Variants in IL22RA2 observed in about 807,000 individuals in gnomAD.
IL22RA2 encodes the protein interleukin-22 receptor subunit alpha-2.
IL22RA2 carries 39 observed loss-of-function variants against 30.7 expected under a neutral mutation model. That is an observed-to-expected ratio of 1.27 (90% CI 0.98 to 1.66). The LOEUF is 1.66. Ranked by LOEUF, IL22RA2 falls within the 40% of genes most tolerant of loss-of-function variation. IL22RA2 has a pLI of 0.00. For missense variants in IL22RA2, 315 were observed against 312.7 expected, an observed-to-expected ratio of 1.01 and a Z score of -0.05; for synonymous variants, 103 against 105.0, an observed-to-expected ratio of 0.98 and a Z score of 0.11.
intron 4 of IL22RA2, among the ~76,000 whole-genome samples, chr6:137,155,559 T>A (rs1778388166): frequency 6.6e-6 from 1 of 151,628 alleles, no homozygotes; most frequent in African/African-American, 2.4e-5. Context: ...ACTTTTTTGA[T>A]AACTAGCCCA....
intron 1 of IL22RA2, among the ~76,000 whole-genome samples, chr6:137,172,396 G>A (rs1778757397): frequency 6.6e-6 from 1 of 152,290 alleles, no homozygotes; most frequent in Middle Eastern, 3.4e-3. Context: ...TTCTGTCACT[G>A]TTCAATTAGC....
intron 5 of IL22RA2, 138 bp downstream of exon 5, chr6:137,154,803 A>G (rs1562269918): frequency 4.4e-6 from 3 of 678,004 alleles, no homozygotes; most frequent in Non-Finnish European, 5.2e-6. Context: ...TATCTCCTAG[A>G]GTTGTTCTGA....
chr6:137,149,801 C>A (rs1778252760), intron 5 of IL22RA2, among the ~76,000 whole-genome samples: 1 of 152,216 alleles, frequency 6.6e-6, no homozygotes, highest in Non-Finnish European at 1.5e-5. Flanking sequence ...TGGACTCCTT[C>A]CTGCATGCTC....
chr6:137,165,044 A>T (rs1487602495), intron 1 of IL22RA2, among the ~76,000 whole-genome samples: 1 of 152,202 alleles, frequency 6.6e-6, no homozygotes, highest in Admixed American at 6.5e-5. Context: ...AGAAAAATGC[A>T]TCTTCAAGCA....
chr6:137,149,583 C>G (rs1268209966), intron 5 of IL22RA2, among the ~76,000 whole-genome samples: 1 of 152,166 alleles, frequency 6.6e-6, no homozygotes, highest in Non-Finnish European at 1.5e-5. Context: ...TTTTCATAAG[C>G]CAAATTCGGT....
At chr6:137,168,267 A>T (rs149691114) in intron 1 of IL22RA2, among the ~76,000 whole-genome samples, 1 of 152,320 alleles carries the variant, frequency 6.6e-6, no homozygotes, top group East Asian at 1.9e-4. Context: ...TCAGTCTGTG[A>T]TCCTGGAAAC....
chr6:137,154,815 A>G (rs575176363), intron 5 of IL22RA2, 126 bp downstream of exon 5: 39 of 745,376 alleles, frequency 5.2e-5, no homozygotes, highest in South Asian at 2.2e-4. Flanking sequence ...TTGTTCTGAC[A>G]ATTAGACCAA....
intron 5 of IL22RA2, 88 bp from the exon 6 acceptor site, chr6:137,147,979 G>T: frequency 8.0e-7 from 1 of 1,251,462 alleles, no homozygotes; most frequent in South Asian, 1.3e-5. Context: ...TCAGCATGGT[G>T]GGAGGATCAC....
intron 5 of IL22RA2, among the ~76,000 whole-genome samples, chr6:137,153,073 T>C (rs983777275): frequency 1.3e-5 from 2 of 152,170 alleles, no homozygotes; most frequent in Non-Finnish European, 2.9e-5. Context: ...CAGATTTTGT[T>C]TATAGATTTT....
At chr6:137,160,378 T>C (rs1202574528) in intron 2 of IL22RA2, among the ~76,000 whole-genome samples, 4 of 152,204 alleles carry the variant, frequency 2.6e-5, no homozygotes, top group Non-Finnish European at 5.9e-5. Flanking sequence ...GGTCTTCCTC[T>C]TACAGACTGA....
intron 6 of IL22RA2, 97 bp downstream of exon 6, chr6:137,147,625 A>T: frequency 1.0e-6 from 1 of 979,322 alleles, no homozygotes; most frequent in Non-Finnish European, 1.4e-6. Context: ...AAGTAAGAGG[A>T]GGCAGAGTAG....
chr6:137,171,184 A>C (rs1778727381), intron 1 of IL22RA2, among the ~76,000 whole-genome samples: 1 of 152,228 alleles, frequency 6.6e-6, no homozygotes, highest in Admixed American at 6.5e-5. Context: ...ATAAACTAGG[A>C]ATTAGTCTCA....
chr6:137,162,088 A>T (rs1009769076), intron 1 of IL22RA2, among the ~76,000 whole-genome samples: 5 of 152,152 alleles, frequency 3.3e-5, no homozygotes, highest in African/African-American at 7.2e-5. Context: ...GGATTGTGCA[A>T]GTGGCAAGCA....
intron 4 of IL22RA2, among the ~76,000 whole-genome samples, chr6:137,156,280 G>A (rs927301122): frequency 5.3e-5 from 8 of 152,102 alleles, no homozygotes; most frequent in Non-Finnish European, 1.5e-5. Flanking sequence ...TTGGAGTCTG[G>A]GGAGAAAGGT....
rs1325654113 is a variant in IL22RA2 at position 137,155,139 on chromosome 6, A to G, written c.294-20T>C. 1 of 1,503,218 alleles carries G rather than the reference A, an allele frequency of 6.7e-7. No homozygotes were observed. The highest frequency in any genetic ancestry group is 1.3e-5 in the South Asian group (1 of 75,058). The allele number at this position is 1,503,218 out of a possible 1,614,324, so 93.1% of individuals were successfully genotyped here. On this transcript the variant is annotated intron_variant, in intron 4 of 6. Coordinates refer to ENST00000296980, the MANE Select transcript of IL22RA2 (RefSeq NM_052962.3). ...CCATATCTGTAGCAGGGAAAAGGCA[A>G]AGATCTGAGTTTCTTTTCTCCACTC... is the stretch of plus-strand genomic sequence containing the variant.
intron 1 of IL22RA2, among the ~76,000 whole-genome samples, chr6:137,163,331 T>A (rs762009363): frequency 3.9e-5 from 6 of 152,180 alleles, no homozygotes; most frequent in Non-Finnish European, 8.8e-5. Context: ...CTCCTGAACC[T>A]TTTTCGGTCT....
chr6:137,155,826 A>C (rs1167765975), intron 4 of IL22RA2, among the ~76,000 whole-genome samples: 1 of 151,978 alleles, frequency 6.6e-6, no homozygotes, highest in Non-Finnish European at 1.5e-5. Flanking sequence ...TTTTTTTAAT[A>C]CTTGGCAAAA....
At chr6:137,150,443 C>A (rs890342971) in intron 5 of IL22RA2, among the ~76,000 whole-genome samples, 1 of 150,154 alleles carries the variant, frequency 6.7e-6, no homozygotes, top group African/African-American at 2.5e-5. Context: ...TTTTAAAGGA[C>A]CTGGTCTAAA....
At chr6:137,152,399 A>T (rs995317649) in intron 5 of IL22RA2, among the ~76,000 whole-genome samples, 4 of 152,230 alleles carry the variant, frequency 2.6e-5, no homozygotes, top group Non-Finnish European at 5.9e-5. Context: ...AAAAAGAATG[A>T]AGTACTGATA....
Sources: gnomAD v4.1 joint callset for allele counts (sites outside exome capture counted in the v4.1 genomes callset) on GRCh38, gnomAD v4.1.1 for gene constraint, MANE v1.5 for transcripts, NCBI Gene and HGNC (gene_info 2026-07-23, HGNC 2026-07-21) for gene names.